Variants in PAN3 observed in about 807,000 individuals in gnomAD.
PAN3 encodes the protein PAN2-PAN3 deadenylation complex subunit PAN3.
In PAN3, 19 loss-of-function variants were observed where a neutral mutation model predicts 96.2. The observed-to-expected ratio is 0.20, with a 90% CI of 0.14 to 0.29. The LOEUF (loss-of-function observed/expected upper bound fraction) is 0.29. Among genes scored for constraint, PAN3 ranks in the 10% least tolerant of loss-of-function variants. The pLI is 1.00. For synonymous variants in PAN3, 433 were observed against 406.6 expected, an observed-to-expected ratio of 1.06 and a Z score of -0.78; for missense variants, 882 against 1,108.1, an observed-to-expected ratio of 0.80 and a Z score of 2.90.
At chr13:28,162,407 G>A (rs751154396) in intron 1 of PAN3, among the ~76,000 whole-genome samples, 11 of 152,098 alleles carry the variant, frequency 7.2e-5, no homozygotes, top group East Asian at 1.9e-4. Context: ...GCAATCAGCC[G>A]GGTGCCGTGG....
chr13:28,256,727 A>G (rs949141614), intron 7 of PAN3, among the ~76,000 whole-genome samples, 188 bp downstream of exon 7: 9 of 152,178 alleles, frequency 5.9e-5, no homozygotes, highest in Non-Finnish European at 1.0e-4. Flanking sequence ...CCTTACTAAT[A>G]ATTCTAGTTT....
intron 6 of PAN3, among the ~76,000 whole-genome samples, chr13:28,249,197 T>A (rs1362366510): frequency 6.6e-6 from 1 of 152,210 alleles, no homozygotes; most frequent in East Asian, 1.9e-4. Flanking sequence ...TGGCAATACT[T>A]GTCTTAGCAT....
chr13:28,278,219 A>T (rs1887210776), intron 15 of PAN3, among the ~76,000 whole-genome samples: 1 of 152,178 alleles, frequency 6.6e-6, no homozygotes, highest in Non-Finnish European at 1.5e-5. Flanking sequence ...GGAGGGTGGG[A>T]TTGCCCACCT....
At chr13:28,208,845 C>T (rs886585033) in intron 5 of PAN3, among the ~76,000 whole-genome samples, 1 of 151,974 alleles carries the variant, frequency 6.6e-6, no homozygotes, top group Non-Finnish European at 1.5e-5. Context: ...TTCCATTCAG[C>T]GATGATATGC....
chr13:28,171,780 A>C (rs561016013), intron 1 of PAN3, among the ~76,000 whole-genome samples: 2 of 152,266 alleles, frequency 1.3e-5, no homozygotes, highest in East Asian at 1.9e-4. Flanking sequence ...CAGGCAAGGG[A>C]AATTATTAAC....
At chr13:28,169,222 C>CTTTTTTTTTTTTTTTTTTTTTTTTTTTG (rs202200725) in intron 1 of PAN3, among the ~76,000 whole-genome samples, 1 of 74,990 alleles carries the variant, frequency 1.3e-5, no homozygotes, top group African/African-American at 5.6e-5. Context: ...TTTTTGTTTG[C>CTTTTTTTTTTTTTTTTTTTTTTTTTTTG]TTTTTTTTTT....
intron 7 of PAN3, among the ~76,000 whole-genome samples, chr13:28,259,962 C>A (rs1418268973): frequency 6.6e-6 from 1 of 151,886 alleles, no homozygotes; most frequent in East Asian, 1.9e-4. Context: ...AATATGAATT[C>A]TTTCAGAAAG....
intron 6 of PAN3, among the ~76,000 whole-genome samples, chr13:28,222,089 A>G (rs1347551327): frequency 6.6e-6 from 1 of 152,204 alleles, no homozygotes; most frequent in Non-Finnish European, 1.5e-5. Context: ...ACATTTTGTT[A>G]ACTTATTTCA....
At chr13:28,192,021 G>A (rs1048574212) in intron 4 of PAN3, among the ~76,000 whole-genome samples, 3 of 150,520 alleles carry the variant, frequency 2.0e-5, no homozygotes, top group East Asian at 3.9e-4. Context: ...ACAGGCATGA[G>A]CCACTGTGCT....
chr13:28,239,812 A>G (rs561287802), intron 6 of PAN3: 2 of 475,620 alleles, frequency 4.2e-6, no homozygotes, highest in East Asian at 7.3e-5. Flanking sequence ...GGCAATTAAC[A>G]TCAGTATTCT....
intron 2 of PAN3, among the ~76,000 whole-genome samples, chr13:28,176,123 G>A (rs1032020697): frequency 6.6e-6 from 1 of 152,092 alleles, no homozygotes; most frequent in South Asian, 2.1e-4. Flanking sequence ...TGGAGAAAGG[G>A]TATTAGAGCA....
chr13:28,234,960 A>G (rs1435020466), intron 6 of PAN3, among the ~76,000 whole-genome samples: 4 of 152,052 alleles, frequency 2.6e-5, no homozygotes, highest in Non-Finnish European at 5.9e-5. Context: ...TCTTTTTTGT[A>G]TAATAACAAA....
intron 17 of PAN3, among the ~76,000 whole-genome samples, chr13:28,287,293 A>T (rs1869108052): frequency 6.6e-6 from 1 of 152,106 alleles, no homozygotes; most frequent in Non-Finnish European, 1.5e-5. Flanking sequence ...TTTTTTCTTA[A>T]TGGGAATTGT....
chr13:28,289,675 A>T (rs1869475500), intron 18 of PAN3, among the ~76,000 whole-genome samples: 1 of 152,138 alleles, frequency 6.6e-6, no homozygotes, highest in Non-Finnish European at 1.5e-5. Context: ...AGGTCAGGAG[A>T]TCGAGACCAT....
intron 1 of PAN3, among the ~76,000 whole-genome samples, chr13:28,147,682 A>G (rs1302968255): frequency 6.6e-6 from 1 of 152,214 alleles, no homozygotes; most frequent in African/African-American, 2.4e-5. Flanking sequence ...AACCTGGGAA[A>G]AGATTAAACC....
chr13:28,226,584 G>C (rs889001129), intron 6 of PAN3, among the ~76,000 whole-genome samples: 5 of 152,124 alleles, frequency 3.3e-5, no homozygotes, highest in African/African-American at 9.6e-5. Context: ...AATAGATAAG[G>C]CTTAATTTTT....
intron 4 of PAN3, among the ~76,000 whole-genome samples, chr13:28,194,176 CA>C (rs934424111): frequency 1.6e-3 from 213 of 136,804 alleles, no homozygotes; most frequent in African/African-American, 2.8e-3. Flanking sequence ...GACACTGTCT[CA>C]AAAAAAAAAA....
chr13:28,214,463 C>G (rs1880481027), intron 5 of PAN3: 1 of 220,688 alleles, frequency 4.5e-6, no homozygotes, highest in African/African-American at 2.4e-5. Context: ...AACTTTTTTG[C>G]AACGAGTTTG....
Position 28,138,966 on chromosome 13 carries a change from C to T in PAN3, c.309C>T (p.Val103=). The T allele has an allele frequency of 1.6e-6, 2 of 1,286,266 alleles. No homozygotes were observed. The highest frequency in any genetic ancestry group is 2.2e-4 in the Middle Eastern group (1 of 4,552). The allele number at this position is 1,286,266 out of a possible 1,614,324, so 79.7% of individuals were successfully genotyped here. The change falls in exon 1 of 19, where the codon GTC becomes GTT. Residue 103 remains valine (V), a synonymous_variant. Transcript: ENST00000380958. ...TGGCCGGCTTTCCGCCGGGAGCCGT[C>T]GCGGGCGGGGGAGCTGGGCCGCCCC... The part of the protein sequence containing the change: ...APVAGFPPGA[V]AGGGAGPPPG...
Sources: gnomAD v4.1 joint callset for allele counts (sites outside exome capture counted in the v4.1 genomes callset) on GRCh38, gnomAD v4.1.1 for gene constraint, MANE v1.5 for transcripts, NCBI Gene and HGNC (gene_info 2026-07-23, HGNC 2026-07-21) for gene names.